WASF1: variants seen among roughly 807,000 people sequenced by gnomAD.
WASF1 encodes WASP family member 1.
Under a neutral mutation model 50.5 loss-of-function variants are expected in WASF1, and 7 were observed. The ratio of observed to expected loss-of-function variants is 0.14; its 90% CI spans 0.08 to 0.26. The LOEUF is 0.26. Among genes scored for constraint, WASF1 ranks in the 10% least tolerant of loss-of-function variants. The pLI, the probability that WASF1 is intolerant of heterozygous loss-of-function variation, is 1.00. For missense variants in WASF1, 470 were observed against 694.7 expected (o/e 0.68, Z 3.64); for synonymous variants, 205 against 244.0 (o/e 0.84, Z 1.49).
rs77190110 is a variant in WASF1, at chr6:110,131,161, G to A, written c.-28-3532C>T. Among the ~76,000 whole-genome samples, 10 of 152,102 alleles carry A rather than the reference G, an allele frequency of 6.6e-5. No homozygotes were observed. In the South Asian group the frequency reaches 1.0e-3, roughly 16 times the overall value. ...TCTTTTAATGAACAGAAGTTTTTAC[G>A]CTCCATGTGGTAGGGATATTCTCAA... On this transcript the variant is annotated intron_variant, in intron 3 of 10. Coordinates refer to ENST00000392589, the MANE Select transcript of WASF1 (RefSeq NM_003931.3).
chr6:110,154,250 C>G (rs527423988), intron 3 of WASF1, among the ~76,000 whole-genome samples: 6 of 152,112 alleles, frequency 3.9e-5, no homozygotes, highest in African/African-American at 1.4e-4. Context: ...AATACAATAT[C>G]ATATGGATTA....
chr6:110,145,453 C>T (rs1775510191), intron 3 of WASF1, among the ~76,000 whole-genome samples: 1 of 152,114 alleles, frequency 6.6e-6, no homozygotes, highest in Non-Finnish European at 1.5e-5. Flanking sequence ...CCCTTTATTC[C>T]CTTCTCCTGC....
chr6:110,162,725 A>G (rs1776310026), intron 2 of WASF1, among the ~76,000 whole-genome samples: 1 of 151,554 alleles, frequency 6.6e-6, no homozygotes, highest in African/African-American at 2.4e-5. Context: ...TTCATTACTA[A>G]AACTCTCCGC....
chr6:110,138,385 CTCT>C (rs1222368331), intron 3 of WASF1, among the ~76,000 whole-genome samples: 2 of 152,370 alleles, frequency 1.3e-5, no homozygotes, highest in East Asian at 3.9e-4. Context: ...CTTCTCTCTT[CTCT>C]TCTTCTCATT....
intron 3 of WASF1, among the ~76,000 whole-genome samples, chr6:110,139,863 CTAA>C (rs149323403): frequency 0.054 from 8,142 of 152,070 alleles, 239 homozygotes; most frequent in East Asian, 0.12. Context: ...AACCCAATAA[CTAA>C]TAATAGAAAA....
intron 3 of WASF1, among the ~76,000 whole-genome samples, chr6:110,139,070 T>A (rs752099730): frequency 1.2e-4 from 18 of 152,166 alleles, no homozygotes; most frequent in Admixed American, 5.9e-4. Flanking sequence ...GCACCCAAAG[T>A]CTGGAGGGGG....
intron 4 of WASF1, among the ~76,000 whole-genome samples, chr6:110,124,274 CTATATATATATATATA>C (rs35703116): frequency 7.8e-4 from 16 of 20,504 alleles, no homozygotes; most frequent in African/African-American, 2.4e-3. Context: ...CTCTCTCTCT[CTATATATATATATATA>C]TATATATATA....
At chr6:110,159,778 GGTAACTTTAT>G (rs1430549541) in intron 3 of WASF1, among the ~76,000 whole-genome samples, 1 of 151,794 alleles carries the variant, frequency 6.6e-6, no homozygotes, top group African/African-American at 2.4e-5. Context: ...ATGGCTTGAA[GGTAACTTTAT>G]GTAACACTTT....
At chr6:110,152,600 GGTGATT>G (rs905666943) in intron 3 of WASF1, among the ~76,000 whole-genome samples, 35 of 152,280 alleles carry the variant, frequency 2.3e-4, no homozygotes, top group African/African-American at 8.4e-4. Flanking sequence ...GAGCTTGCAA[GGTGATT>G]GTTCCCCAGA....
chr6:110,134,591 A>AT (rs1039821301), intron 3 of WASF1, among the ~76,000 whole-genome samples: 13 of 151,534 alleles, frequency 8.6e-5, no homozygotes, highest in African/African-American at 2.4e-4. Flanking sequence ...CGCCTGGCTA[A>AT]TTTTTTTTAT....
At chr6:110,124,214 TCTCCTCTCTCTCCTCTCTCTC>T (rs1378667852) in intron 4 of WASF1, among the ~76,000 whole-genome samples, 6 of 71,054 alleles carry the variant, frequency 8.4e-5, no homozygotes, top group East Asian at 4.3e-4. Flanking sequence ...TCTCTCTCTC[TCTCCTCTCTCTCCTCTCTCTC>T]CTCTCTCTCT....
chr6:110,129,003 G>A (rs1440809779), intron 3 of WASF1, among the ~76,000 whole-genome samples: 4 of 148,590 alleles, frequency 2.7e-5, no homozygotes, highest in Non-Finnish European at 4.5e-5. Context: ...CCCACCCCCT[G>A]CCCGTGGAAA....
At chr6:110,162,352 C>T (rs1776292907) in intron 2 of WASF1, among the ~76,000 whole-genome samples, 1 of 150,188 alleles carries the variant, frequency 6.7e-6, no homozygotes, top group Non-Finnish European at 1.5e-5. Flanking sequence ...CAACGTATTT[C>T]TTGCTTCAAA....
At chr6:110,103,281 G>GT (rs1773173648) in intron 9 of WASF1, 97 bp downstream of exon 9, 8 of 1,361,820 alleles carry the variant, frequency 5.9e-6, no homozygotes, top group South Asian at 1.6e-5. Context: ...GACAAAAACT[G>GT]TAAGGCCCGA....
chr6:110,114,154 C>T (rs1773690614), intron 4 of WASF1, among the ~76,000 whole-genome samples: 1 of 152,198 alleles, frequency 6.6e-6, no homozygotes, highest in Non-Finnish European at 1.5e-5. Flanking sequence ...TCTCTCTCCA[C>T]TAAATTGCAT....
intron 3 of WASF1, among the ~76,000 whole-genome samples, chr6:110,141,988 G>A (rs1036437640): frequency 2.6e-5 from 4 of 152,012 alleles, no homozygotes; most frequent in South Asian, 4.2e-4. Context: ...GGCTGGTCTC[G>A]AACTCCCGAC....
chr6:110,117,317 A>C (rs950801779), intron 4 of WASF1, among the ~76,000 whole-genome samples: 5 of 152,234 alleles, frequency 3.3e-5, no homozygotes, highest in African/African-American at 1.2e-4. Flanking sequence ...AAGACCTTAA[A>C]TGACCTGATG....
intron 3 of WASF1, among the ~76,000 whole-genome samples, chr6:110,139,063 C>A (rs925498626): frequency 1.3e-5 from 2 of 152,218 alleles, no homozygotes; most frequent in Non-Finnish European, 2.9e-5. Context: ...CTCATAGGCA[C>A]CCAAAGTCTG....
At chr6:110,159,608 C>G (rs1242628429) in intron 3 of WASF1, among the ~76,000 whole-genome samples, 1 of 151,848 alleles carries the variant, frequency 6.6e-6, no homozygotes, top group Non-Finnish European at 1.5e-5. Flanking sequence ...TCATGAGACA[C>G]AGTTAGAAGT....
Sources: gnomAD v4.1 joint callset for allele counts (sites outside exome capture counted in the v4.1 genomes callset) on GRCh38, gnomAD v4.1.1 for gene constraint, MANE v1.5 for transcripts, NCBI Gene and HGNC (gene_info 2026-07-23, HGNC 2026-07-21) for gene names.